AKAP13: variants seen among roughly 807,000 people sequenced by gnomAD.
The protein encoded by AKAP13 is A-kinase anchor protein 13.
AKAP13 carries 80 observed loss-of-function variants against 264.5 expected under a neutral mutation model. The observed-to-expected ratio is 0.30, with a 90% CI of 0.25 to 0.36. AKAP13 has a LOEUF of 0.36. AKAP13 is among the 10% of genes least tolerant of loss of function. AKAP13 has a pLI of 1.00. For missense variants in AKAP13, 3,712 were observed against 3,435.2 expected, an observed-to-expected ratio of 1.08 and a Z score of -2.01; for synonymous variants, 1,380 against 1,250.2, an observed-to-expected ratio of 1.10 and a Z score of -2.19.
In AKAP13 at chr15:85,735,443, TG is replaced by T. The variant is rs1237299277; in HGVS notation, c.7442-112del. 131 of 1,070,978 alleles carry T rather than the reference TG, an allele frequency of 1.2e-4. 3 individuals carry two copies. The East Asian group carries it at 1.9e-3, about 16-fold the overall frequency. The allele number at this position is 1,070,978 out of a possible 1,614,324, so 66.3% of individuals were successfully genotyped here. On this transcript the variant is annotated intron_variant, in intron 31 of 36. Transcript: ENST00000394518. Reference sequence around the variant, plus strand: ...CTGCCACCAAGCAGCTCCCCCTTTTTGGGGGCATCAGTAGGTTTCAGACATA... The same window carrying T: ...CTGCCACCAAGCAGCTCCCCCTTTTTGGGGCATCAGTAGGTTTCAGACATA...
intron 1 of AKAP13, among the ~76,000 whole-genome samples, chr15:85,444,310 CAAAAT>C (rs907029021): frequency 9.2e-5 from 14 of 151,990 alleles, no homozygotes; most frequent in African/African-American, 3.4e-4. Flanking sequence ...TTCAGACAGA[CAAAAT>C]AGAAAACAAT....
At position 85,555,329 on chromosome 15, in the gene AKAP13, A is replaced by G. The variant is rs545073998; in HGVS notation, c.662+11374A>G. The G allele has an allele frequency of 5.9e-6, 5 of 845,464 alleles. No individual in the cohort carries two copies. In the East Asian group the frequency reaches 3.1e-4, roughly 53 times the overall value. The allele number at this position is 845,464 out of a possible 1,614,324, so 52.4% of individuals were successfully genotyped here. On this transcript the variant is annotated intron_variant, in intron 5 of 36. Transcript: ENST00000394518. ...GAAGATATTGCAATAGCCCTCAGAA[A>G]AGGAACTAGATGCTGCAGTTCCTTG...
intron 25 of AKAP13, 24 bp from the exon 26 acceptor site, chr15:85,723,048 A>G (rs754779338): frequency 1.9e-6 from 3 of 1,603,020 alleles, no homozygotes; most frequent in Non-Finnish European, 2.6e-6. Context: ...GCCATAAAAA[A>G]CAGAATTATT....
At chr15:85,407,230 CTT>C (rs796411972) in intron 1 of AKAP13, among the ~76,000 whole-genome samples, 20 of 132,112 alleles carry the variant, frequency 1.5e-4, no homozygotes, top group Admixed American at 2.3e-4. Context: ...TGTGCTGGGT[CTT>C]TTTTTTTTTT....
chr15:85,425,296 G>A (rs1567050023), intron 1 of AKAP13, among the ~76,000 whole-genome samples: 2 of 152,202 alleles, frequency 1.3e-5, no homozygotes, highest in South Asian at 2.1e-4. Flanking sequence ...TTTTTGTTAT[G>A]TATAAAAAGC....
At position 85,734,976 on chromosome 15, in the gene AKAP13, G is replaced by A. The variant is rs751485346; in HGVS notation, c.7283-16G>A. The A allele has an allele frequency of 3.7e-6, 6 of 1,610,682 alleles. No homozygotes were observed. The South Asian group carries it at 6.6e-5, about 18-fold the overall frequency. ...GAAAGATAAGATGTCAGCTTTGCAT[G>A]TTTCCTTTATTCCAGTGGAGATCCT... On this transcript the variant is annotated splice_polypyrimidine_tract_variant and intron_variant, in intron 30 of 36. Transcript: ENST00000394518.
At chr15:85,685,213 T>C (rs1207348816) in intron 16 of AKAP13, 2 of 171,416 alleles carry the variant, frequency 1.2e-5, no homozygotes, top group African/African-American at 2.4e-5. Flanking sequence ...CCAGATCTCT[T>C]TGGTTTCAAA....
rs2086421585 is a variant in AKAP13, at chr15:85,708,199, G to A, written c.5532+113G>A. The A allele has an allele frequency of 1.1e-5, 11 of 974,902 alleles. No individual in the cohort carries two copies. The highest frequency in any genetic ancestry group is 3.3e-5 in the African/African-American group (2 of 61,202). 60.4% of individuals were successfully genotyped at this position (974,902 alleles called of 1,614,324 possible). ...GGATTTTGTTTATTTTAATCATTTG[G>A]TACCAACTTTGAGAACAAATTATAA... On this transcript the variant is annotated intron_variant, in intron 18 of 36. Transcript: ENST00000394518. This position sits in a 1 kb window ranked among gnomAD's most constrained non-coding sequence, Gnocchi z 4.3.
chr15:85,660,550 T>C (rs949651162), intron 12 of AKAP13, among the ~76,000 whole-genome samples: 2 of 152,118 alleles, frequency 1.3e-5, no homozygotes, highest in Non-Finnish European at 2.9e-5. Context: ...CAGTTACTGA[T>C]TTGCCACATT....
intron 1 of AKAP13, among the ~76,000 whole-genome samples, chr15:85,443,772 A>AGT (rs34514718): frequency 0.16 from 22,777 of 145,850 alleles, 2,092 homozygotes; most frequent in South Asian, 0.32. Flanking sequence ...AAAAAAAAAA[A>AGT]GTGTGTGTGT....
At chr15:85,618,583 G>A (rs768483072) in intron 8 of AKAP13, among the ~76,000 whole-genome samples, 2 of 151,988 alleles carry the variant, frequency 1.3e-5, no homozygotes, top group Admixed American at 6.6e-5. Context: ...GTGAGAGAAT[G>A]CATTCTGAAG....
intron 1 of AKAP13, among the ~76,000 whole-genome samples, chr15:85,409,189 AT>A (rs961750830): frequency 1.3e-5 from 2 of 151,448 alleles, no homozygotes; most frequent in South Asian, 2.1e-4. Flanking sequence ...TAATTTAATT[AT>A]TTTTTTGAGA....
At position 85,718,895 on chromosome 15, in the gene AKAP13, T is replaced by C; in HGVS notation, c.6002-181T>C. The C allele has an allele frequency of 1.3e-6, 1 of 758,444 alleles. No homozygotes were observed. The highest frequency in any genetic ancestry group is 2.0e-6 in the Non-Finnish European group (1 of 503,324). The allele number at this position is 758,444 out of a possible 1,614,324, so 47.0% of individuals were successfully genotyped here. The stretch of plus-strand genomic sequence containing the variant: ...GCCTGGGTGACAGAGCCAGAACCTG[T>C]CTTAAAAAAAAAACAAAAAAACAAA... On this transcript the variant is annotated intron_variant, in intron 22 of 36. Coordinates refer to ENST00000394518, the MANE Select transcript of AKAP13 (RefSeq NM_007200.5). The surrounding 1 kb of genome is among the most constrained non-coding windows in gnomAD (Gnocchi z 4.9).
chr15:85,682,104 C>T (rs560330191), intron 14 of AKAP13, 54 bp from the exon 15 acceptor site: 64 of 1,498,584 alleles, frequency 4.3e-5, no homozygotes, highest in South Asian at 2.4e-4. Flanking sequence ...ATATTCTACC[C>T]GGCATCAGTG....
chr15:85,406,291 G>C (rs189615554), intron 1 of AKAP13, among the ~76,000 whole-genome samples: 1 of 152,270 alleles, frequency 6.6e-6, no homozygotes, highest in East Asian at 1.9e-4. Context: ...AGTGAAGAGT[G>C]AAGGGACCAT....
chr15:85,446,901 T>G (rs75327299), intron 1 of AKAP13, among the ~76,000 whole-genome samples: 1 of 152,230 alleles, frequency 6.6e-6, no homozygotes, highest in East Asian at 1.9e-4. Context: ...AAGGAAGGAA[T>G]GGGAAAATGG....
At chr15:85,688,403 A>G (rs2085068231) in intron 16 of AKAP13, among the ~76,000 whole-genome samples, 1 of 152,210 alleles carries the variant, frequency 6.6e-6, no homozygotes, top group South Asian at 2.1e-4. Context: ...TTAATCTACC[A>G]TACAATAAAA....
intron 30 of AKAP13, among the ~76,000 whole-genome samples, chr15:85,734,083 T>A (rs71397896): frequency 2.0e-5 from 3 of 152,108 alleles, no homozygotes; most frequent in Middle Eastern, 6.9e-3. Flanking sequence ...TCTGCCCGCC[T>A]CGGCCTCCCG....
At position 85,718,223 on chromosome 15, in the gene AKAP13, A is replaced by ATT. The variant is rs1429897654; in HGVS notation, c.6001+66_6001+67dup. ...CATTGTCCAGCATTTTTAAGCAGTA[A>ATT]TTTGTTGGACTATGAAAAATCAGTT... is the stretch of plus-strand genomic sequence containing the variant. On this transcript the variant is annotated intron_variant, in intron 22 of 36. Coordinates refer to ENST00000394518, the MANE Select transcript of AKAP13 (RefSeq NM_007200.5). This position sits in a 1 kb window ranked among gnomAD's most constrained non-coding sequence, Gnocchi z 4.9. The ATT allele has an allele frequency of 2.5e-6, 4 of 1,577,534 alleles. No individual in the cohort carries two copies. Among genetic ancestry groups the ATT allele is most frequent in the Non-Finnish European group, 2.6e-6 (3 of 1,158,880 alleles).
Sources: allele counts gnomAD v4.1 joint callset (sites outside exome capture counted in the v4.1 genomes callset), GRCh38; gene constraint gnomAD v4.1.1; non-coding constraint Gnocchi (gnomAD v3.1); transcripts MANE v1.5; gene names NCBI Gene and HGNC (gene_info 2026-07-23, HGNC 2026-07-21).